Variants in CALD1 observed in about 807,000 individuals in gnomAD.
CALD1 encodes the protein caldesmon 1.
In CALD1, 33 loss-of-function variants were observed where a neutral mutation model predicts 99.9. That is an observed-to-expected ratio of 0.33 (90% CI 0.25 to 0.44). The LOEUF (loss-of-function observed/expected upper bound fraction) is 0.44, where lower values mean the gene tolerates loss of function less well. Ranked by LOEUF, CALD1 falls within the 20% of genes least tolerant of loss-of-function variation. The pLI is 1.00. For missense variants in CALD1, 861 were observed against 962.1 expected, an observed-to-expected ratio of 0.89 and a Z score of 1.39; for synonymous variants, 310 against 325.0, an observed-to-expected ratio of 0.95 and a Z score of 0.50.
intron 3 of CALD1, among the ~76,000 whole-genome samples, chr7:134,906,316 C>T (rs146863335): frequency 1.3e-4 from 20 of 152,236 alleles, no homozygotes; most frequent in East Asian, 3.9e-4. Context: ...GCTTTGCTGT[C>T]GTGTAAAGAG....
At chr7:134,804,771 TA>T in intron 1 of CALD1, among the ~76,000 whole-genome samples, 1 of 152,352 alleles carries the variant, frequency 6.6e-6, no homozygotes, top group Middle Eastern at 3.4e-3. Context: ...TCATTTTTCC[TA>T]AAACTTCCCC....
At chr7:134,830,897 C>A (rs11772257) in intron 1 of CALD1, among the ~76,000 whole-genome samples, 5,727 of 152,164 alleles carry the variant, frequency 0.038, 127 homozygotes, top group Non-Finnish European at 0.052. Context: ...TATGTGGAAA[C>A]AAGAAGAGTT....
At chr7:134,934,680 G>A (rs1306004169) in intron 5 of CALD1, among the ~76,000 whole-genome samples, 1 of 152,024 alleles carries the variant, frequency 6.6e-6, no homozygotes, top group Non-Finnish European at 1.5e-5. Flanking sequence ...TCAGGAGATC[G>A]AGACCATCCT....
At chr7:134,741,616 G>A (rs548042099), upstream of CALD1, among the ~76,000 whole-genome samples, 3 of 152,106 alleles carry the variant, frequency 2.0e-5, no homozygotes, top group Admixed American at 6.5e-5. Context: ...TTGCTTTAGT[G>A]CCCAATGCAT....
chr7:134,816,820 A>G (rs1043083440), intron 1 of CALD1, among the ~76,000 whole-genome samples: 13 of 152,198 alleles, frequency 8.5e-5, no homozygotes, highest in Non-Finnish European at 1.5e-5. Flanking sequence ...CATGGCTTCA[A>G]TAGGTGAGAC....
intron 3 of CALD1, among the ~76,000 whole-genome samples, chr7:134,888,952 G>A (rs910123895): frequency 1.3e-5 from 2 of 151,816 alleles, no homozygotes; most frequent in Non-Finnish European, 2.9e-5. Flanking sequence ...CTCCTCCATG[G>A]AGAATACTGG....
intron 1 of CALD1, among the ~76,000 whole-genome samples, chr7:134,802,110 G>A (rs112595306): frequency 0.014 from 2,158 of 150,702 alleles, 48 homozygotes; most frequent in African/African-American, 0.05. Context: ...TATGTGTGTA[G>A]TATATATATA....
In CALD1 at chr7:134,813,182, T is replaced by C. The variant is rs566927126; in HGVS notation, c.-129-30702T>C. On this transcript the variant is annotated intron_variant, in intron 1 of 14. Transcript: ENST00000361675. ...CAAGGATGGTAGAGAAAAAGCCTGA[T>C]TGGCATGGGTTCAACAGAAGATGGG... is the stretch of plus-strand genomic sequence containing the variant. 9.2e-5 allele frequency among the ~76,000 whole-genome samples: 14 copies of C among 152,260 alleles called. No homozygotes were observed. The East Asian group carries it at 2.7e-3, about 29-fold the overall frequency.
At chr7:134,879,868 A>G (rs567841708) in intron 3 of CALD1, among the ~76,000 whole-genome samples, 1 of 152,324 alleles carries the variant, frequency 6.6e-6, no homozygotes, top group East Asian at 1.9e-4. Context: ...TTCCATTTTA[A>G]TAACTCCCTA....
At chr7:134,920,721 G>C (rs1429697734) in intron 3 of CALD1, 1 of 1,268,856 alleles carries the variant, frequency 7.9e-7, no homozygotes, top group Non-Finnish European at 1.0e-6. Context: ...CTACTGGCCA[G>C]TAAGTTACTA....
chr7:134,827,532 C>T (rs1319404561), intron 1 of CALD1, among the ~76,000 whole-genome samples: 2 of 152,206 alleles, frequency 1.3e-5, no homozygotes, highest in Non-Finnish European at 2.9e-5. Flanking sequence ...TTGCCAAAGT[C>T]ATCCAGTAAG....
chr7:134,862,279 AT>A (rs1243694815), intron 2 of CALD1, among the ~76,000 whole-genome samples: 1 of 152,196 alleles, frequency 6.6e-6, no homozygotes, highest in Non-Finnish European at 1.5e-5. Flanking sequence ...GATTAGTCCT[AT>A]TATAGTGGTT....
chr7:134,902,483 T>C (rs904833811), intron 3 of CALD1, among the ~76,000 whole-genome samples: 1 of 151,842 alleles, frequency 6.6e-6, no homozygotes, highest in Admixed American at 6.6e-5. Flanking sequence ...GGGAGGGAGA[T>C]CATGTAAACC....
At chr7:134,894,310 T>C (rs1388226283) in intron 3 of CALD1, among the ~76,000 whole-genome samples, 1 of 152,216 alleles carries the variant, frequency 6.6e-6, no homozygotes, top group East Asian at 1.9e-4. Context: ...TTGTTGAACA[T>C]AGCTATCTTC....
In CALD1 at chr7:134,830,615, A is replaced by G. The variant is rs984510627; in HGVS notation, c.-129-13269A>G. On this transcript the variant is annotated intron_variant, in intron 1 of 14. Coordinates refer to ENST00000361675, the MANE Select transcript of CALD1 (RefSeq NM_033138.4). ...GTGTGTTGTTCCCCTCTATGTGTCC[A>G]TGTGTTCTCATCATTTAACTCCCAC... Among the ~76,000 whole-genome samples, 7 of 152,052 alleles carry G rather than the reference A, an allele frequency of 4.6e-5. No individual in the cohort carries two copies. In the East Asian group the frequency reaches 1.4e-3, roughly 29 times the overall value.
intron 13 of CALD1, among the ~76,000 whole-genome samples, chr7:134,964,761 G>A (rs958111422): frequency 6.6e-6 from 1 of 152,074 alleles, no homozygotes; most frequent in African/African-American, 2.4e-5. Context: ...CTATTGACTT[G>A]TAAGAGTGCA....
intron 6 of CALD1, among the ~76,000 whole-genome samples, chr7:134,939,936 C>T (rs2133047905): frequency 6.6e-6 from 1 of 152,116 alleles, no homozygotes; most frequent in African/African-American, 2.4e-5. Flanking sequence ...TGCACTCCAG[C>T]CTGGGCAACA....
intron 1 of CALD1, among the ~76,000 whole-genome samples, chr7:134,842,514 C>T (rs1799690625): frequency 6.6e-6 from 1 of 151,990 alleles, no homozygotes; most frequent in Non-Finnish European, 1.5e-5. Context: ...AATCAGAGAC[C>T]CTAATTCAAC....
Position 134,839,002 on chromosome 7 carries a change from C to A in CALD1, c.-129-4882C>A, listed in dbSNP as rs370538665. ...GTGATGGACTTTCACAGAATGAACG[C>A]AACTGAGTAGTCAGCATCCAGATCA... On this transcript the variant is annotated intron_variant, in intron 1 of 14. Coordinates refer to ENST00000361675, the MANE Select transcript of CALD1 (RefSeq NM_033138.4). Among the ~76,000 whole-genome samples the A allele has an allele frequency of 3.9e-5, 6 of 152,282 alleles. No individual in the cohort carries two copies. In the East Asian group the frequency reaches 5.8e-4, roughly 15 times the overall value.
Sources: gnomAD v4.1 joint callset for allele counts (sites outside exome capture counted in the v4.1 genomes callset) on GRCh38, gnomAD v4.1.1 for gene constraint, MANE v1.5 for transcripts, NCBI Gene and HGNC (gene_info 2026-07-23, HGNC 2026-07-21) for gene names.